ASIC2: variants seen among roughly 807,000 people sequenced by gnomAD.
ASIC2 encodes the protein acid-sensing ion channel 2.
A neutral mutation model predicts 57.3 loss-of-function variants in ASIC2; 25 were observed. The observed-to-expected ratio is 0.44, with a 90% CI of 0.32 to 0.61. The LOEUF (loss-of-function observed/expected upper bound fraction) is 0.61. Ranked by LOEUF, ASIC2 falls within the 20% of genes least tolerant of loss-of-function variation. The pLI is 0.06. For missense variants in ASIC2, 641 were observed against 738.1 expected (o/e 0.87, Z 1.52); for synonymous variants, 319 against 307.5 (o/e 1.04, Z -0.39).
chr17:33,761,093 C>G (rs1016107033), intron 1 of ASIC2, among the ~76,000 whole-genome samples: 1 of 152,098 alleles, frequency 6.6e-6, no homozygotes, highest in African/African-American at 2.4e-5. Flanking sequence ...TGTTCTAAAT[C>G]CAAAGGCAGC....
intron 1 of ASIC2, among the ~76,000 whole-genome samples, chr17:33,820,923 A>G (rs574609338): frequency 1.3e-5 from 2 of 152,316 alleles, no homozygotes; most frequent in Admixed American, 6.5e-5. Flanking sequence ...TAGTTCTATC[A>G]GCTACTGCTG....
chr17:33,413,104 T>G (rs903816613), intron 1 of ASIC2, among the ~76,000 whole-genome samples: 9 of 152,096 alleles, frequency 5.9e-5, no homozygotes, highest in Non-Finnish European at 1.2e-4. Context: ...GGGGGTGCCA[T>G]TGAGGAGCAT....
intron 1 of ASIC2, among the ~76,000 whole-genome samples, chr17:33,831,182 C>T (rs11658952): frequency 0.82 from 117,354 of 143,002 alleles, 47,992 homozygotes; most frequent in African/African-American, 0.86. Context: ...TAAGAAAATG[C>T]TGAAAATCTA....
At chr17:33,202,522 C>T (rs1227887363) in intron 1 of ASIC2, among the ~76,000 whole-genome samples, 1 of 152,180 alleles carries the variant, frequency 6.6e-6, no homozygotes, top group Non-Finnish European at 1.5e-5. Flanking sequence ...CAGGTCAGCA[C>T]CTCCCGTGGG....
chr17:34,088,857 C>T (rs1025411389), intron 1 of ASIC2, among the ~76,000 whole-genome samples: 8 of 152,188 alleles, frequency 5.3e-5, no homozygotes, highest in African/African-American at 1.7e-4. Context: ...GGGATATAAT[C>T]TCCTGGTGTG....
intron 1 of ASIC2, among the ~76,000 whole-genome samples, chr17:33,721,855 A>T (rs1369249274): frequency 6.6e-6 from 1 of 152,216 alleles, no homozygotes; most frequent in Non-Finnish European, 1.5e-5. Flanking sequence ...CATGCTTGGC[A>T]TGTGGCAGGA....
chr17:34,021,396 CG>C (rs1907154559), intron 1 of ASIC2, among the ~76,000 whole-genome samples: 1 of 152,192 alleles, frequency 6.6e-6, no homozygotes, highest in Non-Finnish European at 1.5e-5. Flanking sequence ...ATTATCTGGC[CG>C]ATACCTGCCT....
At chr17:33,724,007 C>A (rs1909467166) in intron 1 of ASIC2, among the ~76,000 whole-genome samples, 1 of 152,108 alleles carries the variant, frequency 6.6e-6, no homozygotes, top group South Asian at 2.1e-4. Flanking sequence ...TTGTAGCTCC[C>A]ACAATTCCCA....
At chr17:33,275,794 A>G (rs1230124509) in intron 1 of ASIC2, among the ~76,000 whole-genome samples, 1 of 152,204 alleles carries the variant, frequency 6.6e-6, no homozygotes, top group Non-Finnish European at 1.5e-5. Context: ...CAGCACAGGG[A>G]AGACCACGGG....
At chr17:33,612,937 C>T (rs1434590) in intron 1 of ASIC2, among the ~76,000 whole-genome samples, 11,655 of 152,216 alleles carry the variant, frequency 0.077, 1,336 homozygotes, top group African/African-American at 0.25. Context: ...TTTGGACTCA[C>T]TCATTGATTC....
At chr17:33,303,371 C>T (rs1442894274) in intron 1 of ASIC2, among the ~76,000 whole-genome samples, 2 of 152,112 alleles carry the variant, frequency 1.3e-5, no homozygotes, top group Non-Finnish European at 2.9e-5. Context: ...ATGTCACCAT[C>T]GGGACAGAAC....
intron 1 of ASIC2, among the ~76,000 whole-genome samples, chr17:33,122,580 A>G (rs1291705841): frequency 2.6e-5 from 4 of 152,174 alleles, no homozygotes; most frequent in Non-Finnish European, 4.4e-5. Flanking sequence ...GTTTCAATAC[A>G]TGTATACATT....
rs1432207223 is a variant in ASIC2, at chr17:33,252,366, A to G, written c.708+39042T>C. 2.0e-5 allele frequency among the ~76,000 whole-genome samples: 3 copies of G among 152,224 alleles called. No homozygotes were observed. The East Asian group carries it at 5.8e-4, about 29-fold the overall frequency. Reference sequence around the variant, plus strand: ...CATGCATAATACAGCCGGCCCTGCTACAAACAGCTTTTGTTAGAGTCCGCT... The same window carrying G: ...CATGCATAATACAGCCGGCCCTGCTGCAAACAGCTTTTGTTAGAGTCCGCT... On this transcript the variant is annotated intron_variant, in intron 1 of 9. Coordinates refer to ENST00000225823, the MANE Select transcript of ASIC2 (RefSeq NM_183377.2).
intron 5 of ASIC2, among the ~76,000 whole-genome samples, chr17:33,025,408 C>A (rs1454862767): frequency 6.6e-6 from 1 of 152,124 alleles, no homozygotes; most frequent in African/African-American, 2.4e-5. Context: ...CATTTGCATG[C>A]ATGGAATGCA....
At chr17:34,014,046 TC>T (rs1906862104) in intron 1 of ASIC2, among the ~76,000 whole-genome samples, 1 of 152,140 alleles carries the variant, frequency 6.6e-6, no homozygotes, top group Admixed American at 6.5e-5. Flanking sequence ...AGTCTCCCCT[TC>T]CTTTTCTCCT....
chr17:33,028,175 A>AT (rs1223529795), intron 4 of ASIC2, 67 bp downstream of exon 4: 8 of 1,567,160 alleles, frequency 5.1e-6, no homozygotes, highest in Non-Finnish European at 7.0e-6. Flanking sequence ...TCCCATTAGG[A>AT]TGAGAAATGC....
chr17:33,447,787 C>T (rs1264594946), intron 1 of ASIC2, among the ~76,000 whole-genome samples: 1 of 151,636 alleles, frequency 6.6e-6, no homozygotes. Context: ...AGAGATGAAT[C>T]AGTAGGGTGA....
chr17:33,843,295 G>A (rs182159374), intron 1 of ASIC2, among the ~76,000 whole-genome samples: 6 of 152,294 alleles, frequency 3.9e-5, no homozygotes, highest in Admixed American at 3.9e-4. Context: ...GAAACGGAAG[G>A]CTAAGGAAGG....
At chr17:34,047,205 C>T (rs775415563) in intron 1 of ASIC2, among the ~76,000 whole-genome samples, 7 of 152,144 alleles carry the variant, frequency 4.6e-5, no homozygotes, top group East Asian at 1.9e-4. Flanking sequence ...CCCATTCACA[C>T]ATACATACGT....
Sources: gnomAD v4.1 joint callset for allele counts (sites outside exome capture counted in the v4.1 genomes callset) on GRCh38, gnomAD v4.1.1 for gene constraint, MANE v1.5 for transcripts, NCBI Gene and HGNC (gene_info 2026-07-23, HGNC 2026-07-21) for gene names.